The following EYA3 variants were observed in gnomAD, a reference collection of about 807,000 sequenced individuals.
EYA3 encodes EYA transcriptional coactivator and phosphatase 3.
Under a neutral mutation model 80.0 loss-of-function variants are expected in EYA3, and 39 were observed. The ratio of observed to expected loss-of-function variants is 0.49; its 90% CI spans 0.38 to 0.64. The LOEUF (loss-of-function observed/expected upper bound fraction) is 0.64, where lower values mean the gene tolerates loss of function less well. EYA3 is among the 30% of genes least tolerant of loss of function. The probability of loss-of-function intolerance (pLI) is 0.00; values close to 1 mark genes in which losing one functional copy is unlikely to be tolerated. For missense variants in EYA3, 523 were observed against 676.1 expected (o/e 0.77, Z 2.51); for synonymous variants, 206 against 232.8 (o/e 0.88, Z 1.05).
At chr1:28,023,513 T>A (rs1642584253) in intron 7 of EYA3, among the ~76,000 whole-genome samples, 1 of 152,226 alleles carries the variant, frequency 6.6e-6, no homozygotes, top group African/African-American at 2.4e-5. Flanking sequence ...ACCTTGCCTT[T>A]GTGACCTTCC....
intron 11 of EYA3, among the ~76,000 whole-genome samples, chr1:28,003,303 CAACAACAACAACAAA>C (rs1256892644): frequency 1.3e-5 from 2 of 151,410 alleles, no homozygotes; most frequent in African/African-American, 4.9e-5. Flanking sequence ...ACAACAACAA[CAACAACAACAACAAA>C]ATTAGCCAGG....
intron 1 of EYA3, among the ~76,000 whole-genome samples, chr1:28,073,182 G>C (rs1318307683): frequency 8.0e-6 from 1 of 124,450 alleles, no homozygotes; most frequent in East Asian, 2.4e-4. Context: ...GCCCAGGCTG[G>C]AGTGCAGTGG....
At chr1:28,062,674 G>GTGTGTGTGTGTA (rs1644676942) in intron 1 of EYA3, among the ~76,000 whole-genome samples, 1 of 151,494 alleles carries the variant, frequency 6.6e-6, no homozygotes, top group Non-Finnish European at 1.5e-5. Flanking sequence ...GTGTGTGTGT[G>GTGTGTGTGTGTA]TGTGTGTGTG....
In EYA3 at chr1:27,999,831, T is replaced by C. The variant is rs1640707085; in HGVS notation, c.1083+129A>G. 3 of 591,596 alleles carry C rather than the reference T, an allele frequency of 5.1e-6. No individual in the cohort carries two copies. The South Asian group carries it at 8.3e-5, about 16-fold the overall frequency. The allele number at this position is 591,596 out of a possible 1,614,324, so 36.6% of individuals were successfully genotyped here. ...TCTCTAAGACTATGTATGTATGCCTTAGTGGCCAGCTGGCCTCTCCATATC... is the reference window on the plus strand; with the variant it reads ...TCTCTAAGACTATGTATGTATGCCTCAGTGGCCAGCTGGCCTCTCCATATC... On this transcript the variant is annotated intron_variant, in intron 12 of 17. Transcript: ENST00000373871.
intron 3 of EYA3, among the ~76,000 whole-genome samples, chr1:28,045,223 T>C (rs547068845): frequency 2.4e-4 from 36 of 152,322 alleles, no homozygotes; most frequent in African/African-American, 8.2e-4. Flanking sequence ...TTATGGAAAT[T>C]GAAGGGTAAG....
At chr1:27,979,562 T>C (rs1639167647) in intron 16 of EYA3, among the ~76,000 whole-genome samples, 1 of 152,174 alleles carries the variant, frequency 6.6e-6, no homozygotes, top group South Asian at 2.1e-4. Flanking sequence ...ACCTAAAACA[T>C]ACACAGATCA....
At chr1:27,988,713 A>AT in intron 15 of EYA3, 57 bp from the exon 16 acceptor site, 1 of 1,589,674 alleles carries the variant, frequency 6.3e-7, no homozygotes, top group Admixed American at 1.8e-5. Flanking sequence ...TGGGAGCAAG[A>AT]ATTCGTATGT....
intron 10 of EYA3, among the ~76,000 whole-genome samples, chr1:28,006,161 A>G (rs182097517): frequency 1.3e-5 from 2 of 152,266 alleles, no homozygotes; most frequent in Admixed American, 1.3e-4. Flanking sequence ...TCAGAACATA[A>G]GGATGTAAGG....
intron 2 of EYA3, among the ~76,000 whole-genome samples, chr1:28,050,175 TTTATTA>T (rs370930213): frequency 1.8e-4 from 24 of 133,566 alleles, no homozygotes; most frequent in Middle Eastern, 4.0e-3. Context: ...TTACTTTTTA[TTTATTA>T]TTATTATTAT....
Position 27,974,303 on chromosome 1 carries a change from A to G in EYA3, c.*163T>C, listed in dbSNP as rs1571685896. The G allele has an allele frequency of 2.2e-6, 1 of 449,428 alleles. No homozygotes were observed. Among genetic ancestry groups the G allele is most frequent in the Non-Finnish European group, 4.1e-6 (1 of 245,786 alleles). The allele number at this position is 449,428 out of a possible 1,614,324, so 27.8% of individuals were successfully genotyped here. A position where few individuals can be genotyped will look rare whatever the true frequency, so the allele number is the denominator to read the frequency against. ...AGAGGCAGAGAGGGAGGGAGAGAGG[A>G]AGGGAGGGAGGGAGAGAGGGAGAGA... On this transcript the variant is annotated 3_prime_UTR_variant, in exon 18 of 18. Coordinates refer to ENST00000373871, the MANE Select transcript of EYA3 (RefSeq NM_001990.4).
In EYA3 at chr1:27,988,654, T is replaced by C; in HGVS notation, c.1421A>G (p.Lys474Arg). ...AGTGATCAGAACATTCACACAATTC[T>C]TTCTATAAGGGAGTAAAAGGGAAAA... ...LKSLLLIQSR[K>R]NCVNVLITTT... Residue 474 changes from lysine (K) to arginine (R), a missense_variant and splice_region_variant, in exon 16 of 18, where the codon AAG becomes AGG. By Grantham distance (26) the Lys-to-Arg change is conservative. Around this residue, in one of 2 missense-constraint regions of EYA3, gnomAD observed 219 missense variants for 332.8 expected, o/e 0.66. Coordinates refer to ENST00000373871, the MANE Select transcript of EYA3 (RefSeq NM_001990.4). The C allele has an allele frequency of 6.2e-7, 1 of 1,613,550 alleles. No homozygotes were observed. The highest frequency in any genetic ancestry group is 8.5e-7 in the Non-Finnish European group (1 of 1,179,842).
At chr1:28,033,386 C>T (rs915100453) in intron 6 of EYA3, among the ~76,000 whole-genome samples, 1 of 152,068 alleles carries the variant, frequency 6.6e-6, no homozygotes, top group Non-Finnish European at 1.5e-5. Context: ...ATTCACATTA[C>T]CCCAACCAAA....
chr1:28,029,797 GT>G (rs1202269105), intron 6 of EYA3, among the ~76,000 whole-genome samples: 5 of 151,896 alleles, frequency 3.3e-5, no homozygotes, highest in Non-Finnish European at 7.4e-5. Context: ...GTTTCACTAT[GT>G]TGGTCAGGCT....
chr1:27,970,800 C>T lies in EYA3; in HGVS notation c.*3666G>A, dbSNP rs2148690863. The T allele has an allele frequency of 6.6e-6, 1 of 152,312 alleles. No homozygotes were observed. Among genetic ancestry groups the T allele is most frequent in the Middle Eastern group, 3.4e-3 (1 of 294 alleles). 9.4% of individuals were successfully genotyped at this position (152,312 alleles called of 1,614,324 possible). ...AATAGAAGCCTGCTTAAGAGGGACC[C>T]TAACTGCCTCCTTGAGGAGTAAGGA... On this transcript the variant is annotated 3_prime_UTR_variant, in exon 18 of 18. Transcript: ENST00000373871.
rs543243957 is a variant in EYA3, at chr1:27,971,685, A to G, written c.*2781T>C. ...TCATCATTTGGCTAATTTCATGAGG[A>G]CTCTAATGAAGAGGGTCTCCCCCTT... is the stretch of plus-strand genomic sequence containing the variant. On this transcript the variant is annotated 3_prime_UTR_variant, in exon 18 of 18. Coordinates refer to ENST00000373871, the MANE Select transcript of EYA3 (RefSeq NM_001990.4). 1.4e-4 allele frequency: 21 copies of G among 151,084 alleles called. No homozygotes were observed. Among genetic ancestry groups the G allele is most frequent in the Non-Finnish European group, 1.8e-4 (12 of 67,858 alleles). The allele number at this position is 151,084 out of a possible 1,614,324, so 9.4% of individuals were successfully genotyped here.
At chr1:28,010,153 C>T (rs2148786003) in intron 10 of EYA3, among the ~76,000 whole-genome samples, 1 of 152,166 alleles carries the variant, frequency 6.6e-6, no homozygotes, top group Non-Finnish European at 1.5e-5. Flanking sequence ...CCCCTCAGTA[C>T]ATAATAGCAC....
intron 7 of EYA3, among the ~76,000 whole-genome samples, chr1:28,022,587 T>C (rs1041358318): frequency 2.0e-5 from 3 of 152,206 alleles, no homozygotes; most frequent in African/African-American, 7.2e-5. Context: ...GATTACGACA[T>C]ACAGAAATAT....
chr1:28,028,924 T>C (rs1642949659), intron 6 of EYA3, among the ~76,000 whole-genome samples: 1 of 152,154 alleles, frequency 6.6e-6, no homozygotes, highest in Admixed American at 6.5e-5. Flanking sequence ...TCTTGCTATG[T>C]CGCCCAGGCC....
chr1:27,996,563 C>T (rs1640472443), intron 13 of EYA3, among the ~76,000 whole-genome samples: 1 of 152,194 alleles, frequency 6.6e-6, no homozygotes, highest in Admixed American at 6.5e-5. Flanking sequence ...GAAAGTGAAA[C>T]CTTCCAATAT....
Sources: gnomAD v4.1 joint callset for allele counts (sites outside exome capture counted in the v4.1 genomes callset) on GRCh38, gnomAD v4.1.1 for gene constraint, gnomAD v4.1.1 regional missense constraint, MANE v1.5 for transcripts, NCBI Gene and HGNC (gene_info 2026-07-23, HGNC 2026-07-21) for gene names.